Variants in SNX18 observed in about 807,000 individuals in gnomAD.
SNX18 encodes sorting nexin-18.
In SNX18, 35 loss-of-function variants were observed where a neutral mutation model predicts 48.7. That is an observed-to-expected ratio of 0.72 (90% CI 0.55 to 0.95). SNX18 has a LOEUF of 0.95. SNX18 is among the 40% of genes least tolerant of loss of function. The pLI, the probability that SNX18 is intolerant of heterozygous loss-of-function variation, is 0.00. For missense variants in SNX18, 824 were observed against 871.0 expected (o/e 0.95, Z 0.68); for synonymous variants, 492 against 384.7 (o/e 1.28, Z -3.26).
the SNX18 span, among the ~76,000 whole-genome samples, chr5:54,616,216 A>G: frequency 6.6e-6 from 1 of 152,178 alleles, no homozygotes; most frequent in East Asian, 1.9e-4. Context: ...ATTGTGTAAC[A>G]TTTGTGGAGA....
rs932787801 is a variant in SNX18, at chr5:54,546,094, G to T, written c.*2662G>T. 1 of 152,204 alleles carries T rather than the reference G, an allele frequency of 6.6e-6. No homozygotes were observed. Among genetic ancestry groups the T allele is most frequent in the Admixed American group, 6.5e-5 (1 of 15,288 alleles). 9.4% of individuals were successfully genotyped at this position (152,204 alleles called of 1,614,324 possible). A position where few individuals can be genotyped will look rare whatever the true frequency, so the allele number is the denominator to read the frequency against. ...CAGTTTGCACCCAGGATGAGGGAAC[G>T]CATTCAAAAGTGAAATGTAAAGCCA... On this transcript the variant is annotated 3_prime_UTR_variant, in exon 2 of 2. Transcript: ENST00000381410.
chr5:54,633,772 T>C, the SNX18 span, among the ~76,000 whole-genome samples: 1 of 152,216 alleles, frequency 6.6e-6, no homozygotes. Context: ...TTAATGGAGC[T>C]TGAACATAAA....
the SNX18 span, among the ~76,000 whole-genome samples, chr5:54,647,179 T>A: frequency 6.6e-6 from 1 of 152,366 alleles, no homozygotes; most frequent in South Asian, 2.1e-4. Flanking sequence ...ATCATTTACA[T>A]CTGTATTTAT....
chr5:54,544,956 A>G lies in SNX18; in HGVS notation c.*1524A>G, dbSNP rs1408058663. On this transcript the variant is annotated 3_prime_UTR_variant, in exon 2 of 2. Coordinates refer to ENST00000381410, the MANE Select transcript of SNX18 (RefSeq NM_001102575.2). ...CATGGAAGTGAAGAGGTCACTTTGA[A>G]ATATTGGTGAGTCACAAAGATTAAA... 3.9e-5 allele frequency: 6 copies of G among 152,324 alleles called. No individual in the cohort carries two copies. The East Asian group carries it at 1.2e-3, about 29-fold the overall frequency. The allele number at this position is 152,324 out of a possible 1,614,324, so 9.4% of individuals were successfully genotyped here.
intron 1 of SNX18, among the ~76,000 whole-genome samples, chr5:54,530,315 G>A (rs1305315456): frequency 6.6e-6 from 1 of 152,140 alleles, no homozygotes; most frequent in Non-Finnish European, 1.5e-5. Context: ...TGAACACAGC[G>A]CAGTTTTTAA....
At chr5:54,636,508 A>T in the SNX18 span, among the ~76,000 whole-genome samples, 1 of 152,154 alleles carries the variant, frequency 6.6e-6, no homozygotes, top group Non-Finnish European at 1.5e-5. Flanking sequence ...GCACTTTTGC[A>T]AAACTACCCA....
chr5:54,582,305 T>A, the SNX18 span, among the ~76,000 whole-genome samples: 10 of 152,336 alleles, frequency 6.6e-5, no homozygotes, highest in East Asian at 1.9e-3. Context: ...GATGCCTGTA[T>A]CCTAAACTGA....
chr5:54,551,061 A>G (rs1168047039), downstream of SNX18, among the ~76,000 whole-genome samples: 1 of 151,518 alleles, frequency 6.6e-6, no homozygotes, highest in Admixed American at 6.6e-5. Context: ...TGAATGTTAA[A>G]TTTGACAAGG....
At chr5:54,616,959 C>T in the SNX18 span, among the ~76,000 whole-genome samples, 1 of 152,146 alleles carries the variant, frequency 6.6e-6, no homozygotes, top group African/African-American at 2.4e-5. Context: ...CTCTCCAGGG[C>T]CCCTGCAATC....
the SNX18 span, among the ~76,000 whole-genome samples, chr5:54,608,456 G>A: frequency 6.6e-6 from 1 of 152,058 alleles, no homozygotes; most frequent in Non-Finnish European, 1.5e-5. Context: ...AGCTGGTCTT[G>A]AACTCCTGGG....
chr5:54,584,781 T>C, the SNX18 span, among the ~76,000 whole-genome samples: 1 of 152,156 alleles, frequency 6.6e-6, no homozygotes, highest in Non-Finnish European at 1.5e-5. Flanking sequence ...TGAGGAGGCA[T>C]AGCTTTGCCT....
chr5:54,634,450 T>G, the SNX18 span, among the ~76,000 whole-genome samples: 1 of 152,164 alleles, frequency 6.6e-6, no homozygotes, highest in African/African-American at 2.4e-5. Flanking sequence ...CACGGGCTGC[T>G]GCATGCAGCC....
At chr5:54,530,820 C>T (rs977446647) in intron 1 of SNX18, among the ~76,000 whole-genome samples, 4 of 132,660 alleles carry the variant, frequency 3.0e-5, no homozygotes, top group Middle Eastern at 5.1e-3. Flanking sequence ...GGCGTGATCT[C>T]GGCTCACCAT....
At position 54,518,871 on chromosome 5, in the gene SNX18, G is replaced by C. The variant is rs1219982888; in HGVS notation, c.919G>C (p.Val307Leu). Residue 307 changes from valine to leucine, a missense_variant, in exon 1 of 2, where the codon GTG (valine) becomes CTG (leucine). By Grantham distance (32) the Val-to-Leu change is conservative (BLOSUM62 1). Transcript: ENST00000381410. The stretch of plus-strand genomic sequence containing the variant: ...CAAGCTGGTGCCCACGCACACGCAG[G>C]TGCCGGTGCATCGGCGCTACAAGCA... ...SYKLVPTHTQVPVHRRYKHFD... is the reference protein window; with the variant it reads ...SYKLVPTHTQLPVHRRYKHFD... 2 of 1,613,678 alleles carry C rather than the reference G, an allele frequency of 1.2e-6. No individual in the cohort carries two copies. Among genetic ancestry groups the C allele is most frequent in the Admixed American group, 1.7e-5 (1 of 60,000 alleles).
At chr5:54,626,481 A>G in the SNX18 span, among the ~76,000 whole-genome samples, 1 of 152,182 alleles carries the variant, frequency 6.6e-6, no homozygotes, top group South Asian at 2.1e-4. Context: ...CGCTTGTCCT[A>G]AGTCCTTGTC....
chr5:54,548,657 A>G (rs1762610522), downstream of SNX18, among the ~76,000 whole-genome samples: 1 of 152,210 alleles, frequency 6.6e-6, no homozygotes, highest in African/African-American at 2.4e-5. Context: ...AGCCTTAACC[A>G]TTTTGCAATA....
chr5:54,559,433 A>G, the SNX18 span, among the ~76,000 whole-genome samples: 18,830 of 152,236 alleles, frequency 0.12, 1,295 homozygotes, highest in African/African-American at 0.16. Context: ...ACCTACAACC[A>G]TCTGATTAGC....
the SNX18 span, among the ~76,000 whole-genome samples, chr5:54,572,005 C>T: frequency 2.6e-5 from 4 of 152,168 alleles, no homozygotes; most frequent in Non-Finnish European, 5.9e-5. Context: ...ACTGTTAGTG[C>T]TTCCCCAAGA....
At chr5:54,537,133 C>T (rs1023707853) in intron 1 of SNX18, among the ~76,000 whole-genome samples, 6 of 152,024 alleles carry the variant, frequency 3.9e-5, no homozygotes, top group Admixed American at 2.6e-4. Context: ...AGTTGGAGAC[C>T]GGCCTGGACA....
Sources: allele counts gnomAD v4.1 joint callset (sites outside exome capture counted in the v4.1 genomes callset), GRCh38; gene constraint gnomAD v4.1.1; transcripts MANE v1.5; gene names NCBI Gene and HGNC (gene_info 2026-07-23, HGNC 2026-07-21).